The following SLCO1A2 variants were observed in gnomAD, a reference collection of about 807,000 sequenced individuals.
The protein encoded by SLCO1A2 is solute carrier organic anion transporter family member 1A2.
In SLCO1A2, 67 loss-of-function variants were observed where a neutral mutation model predicts 69.0. That is an observed-to-expected ratio of 0.97 (90% confidence interval 0.80 to 1.19). SLCO1A2 has a LOEUF of 1.19. Ranked by LOEUF, SLCO1A2 falls within the 50% of genes most tolerant of loss-of-function variation. SLCO1A2 has a pLI of 0.00. For synonymous variants in SLCO1A2, 260 were observed against 265.9 expected, an observed-to-expected ratio of 0.98 and a Z score of 0.22; for missense variants, 787 against 793.7, an observed-to-expected ratio of 0.99 and a Z score of 0.10.
At chr12:21,384,971 T>C (rs1940800710) in intron 1 of SLCO1A2, among the ~76,000 whole-genome samples, 1 of 152,120 alleles carries the variant, frequency 6.6e-6, no homozygotes, top group Non-Finnish European at 1.5e-5. Flanking sequence ...TTCACCTTGT[T>C]AGCCAGGATG....
At chr12:21,333,272 C>T (rs1307782191) in intron 2 of SLCO1A2, among the ~76,000 whole-genome samples, 2 of 151,974 alleles carry the variant, frequency 1.3e-5, no homozygotes, top group Admixed American at 1.3e-4. Flanking sequence ...ACATGGGTTG[C>T]CTAACTAGTT....
intron 2 of SLCO1A2, among the ~76,000 whole-genome samples, chr12:21,364,412 C>T (rs1454551152): frequency 6.6e-6 from 1 of 152,122 alleles, no homozygotes; most frequent in East Asian, 1.9e-4. Context: ...ATAATATGAT[C>T]TATTTATGAC....
intron 4 of SLCO1A2, among the ~76,000 whole-genome samples, chr12:21,313,195 T>C (rs1461980631): frequency 3.9e-5 from 6 of 152,216 alleles, no homozygotes; most frequent in African/African-American, 1.2e-4. Flanking sequence ...CCATAACAGA[T>C]ACAAAAATAA....
intron 12 of SLCO1A2, among the ~76,000 whole-genome samples, chr12:21,279,720 G>A (rs1438002453): frequency 6.6e-6 from 1 of 152,172 alleles, no homozygotes; most frequent in Non-Finnish European, 1.5e-5. Flanking sequence ...AATCAGAAAG[G>A]AAAGGATGTT....
chr12:21,379,008 G>A (rs1940411758), intron 1 of SLCO1A2: 1 of 152,526 alleles, frequency 6.6e-6, no homozygotes, highest in African/African-American at 2.4e-5. Context: ...CCAGGAGGCG[G>A]AGGTTGCAGT....
intron 12 of SLCO1A2, among the ~76,000 whole-genome samples, chr12:21,275,900 C>T (rs563753189): frequency 6.6e-6 from 1 of 151,850 alleles, no homozygotes; most frequent in Non-Finnish European, 1.5e-5. Flanking sequence ...TGAAATTGCG[C>T]CACTGCACTC....
chr12:21,372,303 G>A (rs1466030096), intron 2 of SLCO1A2, among the ~76,000 whole-genome samples: 1 of 152,056 alleles, frequency 6.6e-6, no homozygotes, highest in African/African-American at 2.4e-5. Context: ...TGGTTATGTA[G>A]CATTTGTTCA....
chr12:21,401,508 T>A (rs977140341), intron 1 of SLCO1A2, among the ~76,000 whole-genome samples: 1 of 151,864 alleles, frequency 6.6e-6, no homozygotes, highest in African/African-American at 2.4e-5. Context: ...ATAATATTAT[T>A]AAAACCTTTA....
intron 11 of SLCO1A2, among the ~76,000 whole-genome samples, chr12:21,292,677 C>T (rs1947067066): frequency 1.3e-5 from 2 of 152,084 alleles, no homozygotes; most frequent in South Asian, 4.1e-4. Flanking sequence ...CTCACTACAA[C>T]CTCTGCCTCC....
intron 9 of SLCO1A2, among the ~76,000 whole-genome samples, chr12:21,296,251 T>C (rs576668203): frequency 3.9e-5 from 6 of 152,242 alleles, no homozygotes; most frequent in Admixed American, 3.3e-4. Flanking sequence ...TTTTCTTTTC[T>C]TTTTTTAGAG....
Position 21,318,903 on chromosome 12 carries a change from T to C in SLCO1A2, c.81A>G (p.Thr27=), listed in dbSNP as rs777924339. 1.0e-5 allele frequency: 16 copies of C among 1,588,830 alleles called. No individual in the cohort carries two copies. The East Asian group carries it at 1.1e-4, about 11-fold the overall frequency. The change falls in exon 3 of 15, where the codon ACA becomes ACG. Residue 27 remains threonine (T), a synonymous_variant. Coordinates refer to ENST00000683939, the MANE Select transcript of SLCO1A2 (RefSeq NM_001386879.1). ...ACAGTGTTTTGGATACAAATGCACA[T>C]GTTATTGCCAACAGAAACATCTAGG... ...SKLKMFLLAI[T]CAFVSKTLSG...
chr12:21,307,827 C>T (rs753649997), intron 4 of SLCO1A2, among the ~76,000 whole-genome samples: 4 of 152,116 alleles, frequency 2.6e-5, no homozygotes, highest in Admixed American at 6.6e-5. Flanking sequence ...TGCTTGGATG[C>T]CACTGATAGT....
chr12:21,328,300 G>A (rs981513282), intron 2 of SLCO1A2, among the ~76,000 whole-genome samples: 1 of 152,148 alleles, frequency 6.6e-6, no homozygotes, highest in African/African-American at 2.4e-5. Flanking sequence ...GAAGAGAAAT[G>A]GGGAAAGGAC....
rs11045919 is a variant in SLCO1A2, at chr12:21,269,319, T to G, written c.*229A>C. The G allele has an allele frequency of 0.16, 56,280 of 352,198 alleles. 5,925 individuals are homozygous for G. The highest frequency in any genetic ancestry group is 0.36 in the African/African-American group (16,940 of 47,250). 21.8% of individuals were successfully genotyped at this position (352,198 alleles called of 1,614,324 possible). A position where few individuals can be genotyped will look rare whatever the true frequency, so the allele number is the denominator to read the frequency against. On this transcript the variant is annotated 3_prime_UTR_variant, in exon 15 of 15. Coordinates refer to ENST00000683939, the MANE Select transcript of SLCO1A2 (RefSeq NM_001386879.1). Reference sequence around the variant, plus strand: ...GTTTCAACATAAAAATAAAGCTGGCTCTAAGAATCTTCTTTAGGGGGCTGT... The same window carrying G: ...GTTTCAACATAAAAATAAAGCTGGCGCTAAGAATCTTCTTTAGGGGGCTGT...
intron 2 of SLCO1A2, among the ~76,000 whole-genome samples, chr12:21,327,073 C>CAGT (rs1346772490): frequency 6.6e-6 from 1 of 152,040 alleles, no homozygotes; most frequent in African/African-American, 2.4e-5. Flanking sequence ...TTTTCTTGTC[C>CAGT]AGTCTTTGGA....
intron 4 of SLCO1A2, among the ~76,000 whole-genome samples, chr12:21,312,051 G>C (rs901586084): frequency 6.7e-6 from 1 of 148,312 alleles, no homozygotes; most frequent in Admixed American, 6.6e-5. Context: ...AAGAAGAAGA[G>C]GAGGAGAAGA....
At chr12:21,388,473 G>T (rs1384889872) in intron 1 of SLCO1A2, among the ~76,000 whole-genome samples, 2 of 152,094 alleles carry the variant, frequency 1.3e-5, no homozygotes, top group African/African-American at 4.8e-5. Context: ...ATAAAGGGCA[G>T]TTCCTTTGTA....
chr12:21,293,223 T>C (rs952027893), intron 11 of SLCO1A2, among the ~76,000 whole-genome samples: 8 of 152,020 alleles, frequency 5.3e-5, no homozygotes, highest in African/African-American at 1.9e-4. Context: ...GAATCGTTTA[T>C]ACCTGGGAGG....
chr12:21,297,939 A>G (rs1947989745), intron 8 of SLCO1A2, among the ~76,000 whole-genome samples: 1 of 152,172 alleles, frequency 6.6e-6, no homozygotes, highest in Non-Finnish European at 1.5e-5. Context: ...AGCTCATTAG[A>G]ATGAAAGATG....
Sources: gnomAD v4.1 joint callset for allele counts (sites outside exome capture counted in the v4.1 genomes callset) on GRCh38, gnomAD v4.1.1 for gene constraint, MANE v1.5 for transcripts, NCBI Gene and HGNC (gene_info 2026-07-23, HGNC 2026-07-21) for gene names.